FBXO11: variants seen among roughly 807,000 people sequenced by gnomAD.
FBXO11 encodes the protein F-box protein 11.
FBXO11 carries 13 observed loss-of-function variants against 117.0 expected under a neutral mutation model. That is an observed-to-expected ratio of 0.11 (90% CI 0.07 to 0.18). FBXO11 has a LOEUF of 0.18. Ranked by LOEUF, FBXO11 falls within the 10% of genes least tolerant of loss-of-function variation. The pLI, the probability that FBXO11 is intolerant of heterozygous loss-of-function variation, is 1.00. For synonymous variants in FBXO11, 490 were observed against 380.5 expected, an observed-to-expected ratio of 1.29 and a Z score of -3.35; for missense variants, 767 against 1,164.4, an observed-to-expected ratio of 0.66 and a Z score of 4.97.
At chr2:47,869,363 G>C (rs1166123361) in intron 1 of FBXO11, among the ~76,000 whole-genome samples, 2 of 152,218 alleles carry the variant, frequency 1.3e-5, no homozygotes, top group Non-Finnish European at 2.9e-5. Context: ...AACTGGCAAA[G>C]AAGGGTGTTA....
intron 1 of FBXO11, among the ~76,000 whole-genome samples, chr2:47,854,643 T>C (rs1482612429): frequency 1.3e-5 from 2 of 151,986 alleles, no homozygotes; most frequent in Non-Finnish European, 2.9e-5. Flanking sequence ...ATAAATTAAT[T>C]AGAATTATGT....
intron 18 of FBXO11, among the ~76,000 whole-genome samples, chr2:47,812,236 T>C (rs1670670442): frequency 1.3e-5 from 2 of 152,250 alleles, no homozygotes; most frequent in African/African-American, 4.8e-5. Context: ...ATTTTATGGA[T>C]GTGCTGTTTC....
intron 1 of FBXO11, among the ~76,000 whole-genome samples, chr2:47,845,315 T>G (rs577779013): frequency 6.6e-6 from 1 of 152,352 alleles, no homozygotes; most frequent in Admixed American, 6.5e-5. Context: ...ATTTAAGTCA[T>G]GAATACCACA....
chr2:47,895,649 G>C (rs1340219739), intron 1 of FBXO11, among the ~76,000 whole-genome samples: 1 of 152,144 alleles, frequency 6.6e-6, no homozygotes, highest in Non-Finnish European at 1.5e-5. Context: ...TCAATTACAA[G>C]ATTAGCAGAA....
chr2:47,839,075 A>T, intron 3 of FBXO11, 72 bp from the exon 4 acceptor site: 1 of 1,467,962 alleles, frequency 6.8e-7, no homozygotes, highest in South Asian at 1.4e-5. Context: ...CACAGTTTTC[A>T]TTTTATCTAA....
At chr2:47,844,706 C>T (rs1673278447) in intron 1 of FBXO11, among the ~76,000 whole-genome samples, 1 of 152,196 alleles carries the variant, frequency 6.6e-6, no homozygotes, top group African/African-American at 2.4e-5. Context: ...GGCTGGAGTG[C>T]AGTGGTGGGA....
chr2:47,845,595 G>A (rs1673347540), intron 1 of FBXO11, among the ~76,000 whole-genome samples: 1 of 152,096 alleles, frequency 6.6e-6, no homozygotes, highest in Non-Finnish European at 1.5e-5. Flanking sequence ...TTCATCTTTT[G>A]AACTCCTGTA....
intron 1 of FBXO11, among the ~76,000 whole-genome samples, chr2:47,877,723 C>A (rs538951753): frequency 6.6e-6 from 1 of 152,226 alleles, no homozygotes; most frequent in East Asian, 1.9e-4. Context: ...CTCGCTTTGT[C>A]GCCCAGGCTG....
intron 7 of FBXO11, 46 bp downstream of exon 7, chr2:47,834,529 CATAA>C: frequency 2.1e-6 from 3 of 1,409,062 alleles, no homozygotes; most frequent in Non-Finnish European, 2.9e-6. Context: ...AATCCTATCA[CATAA>C]ATGAGTAAAA....
intron 11 of FBXO11, among the ~76,000 whole-genome samples, chr2:47,829,726 T>A (rs962691884): frequency 6.6e-6 from 1 of 151,928 alleles, no homozygotes; most frequent in Non-Finnish European, 1.5e-5. Flanking sequence ...AAAACACCCA[T>A]CTTTTAAAGA....
In FBXO11 at chr2:47,808,001, A is replaced by C; in HGVS notation, c.*117T>G. The C allele has an allele frequency of 1.1e-6, 1 of 909,392 alleles. No homozygotes were observed. The highest frequency in any genetic ancestry group is 1.7e-6 in the Non-Finnish European group (1 of 598,704). The allele number at this position is 909,392 out of a possible 1,614,324, so 56.3% of individuals were successfully genotyped here. The stretch of plus-strand genomic sequence containing the variant: ...TTCATAGTGTCAACTGACCTTGTGT[A>C]TCCATTTTTAATACAGTCTCTTCCT... On this transcript the variant is annotated 3_prime_UTR_variant, in exon 23 of 23. Coordinates refer to ENST00000403359, the MANE Select transcript of FBXO11 (RefSeq NM_001190274.2).
chr2:47,884,824 T>C (rs546371540), intron 1 of FBXO11, among the ~76,000 whole-genome samples: 3 of 151,534 alleles, frequency 2.0e-5, no homozygotes, highest in African/African-American at 7.3e-5. Context: ...AATCCTAAGG[T>C]TGCCAATTAC....
intron 1 of FBXO11, among the ~76,000 whole-genome samples, chr2:47,879,300 G>A (rs1676260898): frequency 6.6e-6 from 1 of 152,274 alleles, no homozygotes; most frequent in Non-Finnish European, 1.5e-5. Context: ...AACTCAACCT[G>A]CTGGGTAAAT....
intron 1 of FBXO11, among the ~76,000 whole-genome samples, chr2:47,845,720 C>G (rs1229294036): frequency 6.6e-6 from 1 of 152,076 alleles, no homozygotes; most frequent in Non-Finnish European, 1.5e-5. Context: ...GAGGGCGAGG[C>G]AGGGTAACAA....
intron 1 of FBXO11, among the ~76,000 whole-genome samples, chr2:47,893,832 T>A (rs765356477): frequency 1.2e-4 from 19 of 152,242 alleles, no homozygotes; most frequent in Non-Finnish European, 2.2e-4. Flanking sequence ...AGGCTCCTTA[T>A]CCCCAAATTT....
intron 4 of FBXO11, among the ~76,000 whole-genome samples, chr2:47,837,856 G>C (rs951012005): frequency 1.3e-5 from 2 of 152,010 alleles, no homozygotes; most frequent in Admixed American, 1.3e-4. Context: ...TCAGCCTCCG[G>C]AGTAGCTGGG....
intron 1 of FBXO11, among the ~76,000 whole-genome samples, chr2:47,859,739 C>G (rs1328011748): frequency 6.6e-6 from 1 of 152,108 alleles, no homozygotes. Context: ...AAAAATATTT[C>G]CAAACCCAAT....
intron 1 of FBXO11, among the ~76,000 whole-genome samples, chr2:47,857,756 C>G (rs1474284568): frequency 1.3e-5 from 2 of 152,114 alleles, no homozygotes; most frequent in East Asian, 3.9e-4. Context: ...TTCAGGAACT[C>G]AAAGTCATTG....
intron 11 of FBXO11, among the ~76,000 whole-genome samples, chr2:47,829,194 C>T (rs1671998974): frequency 6.6e-6 from 1 of 151,622 alleles, no homozygotes; most frequent in Non-Finnish European, 1.5e-5. Context: ...TGCACCCGGC[C>T]TCAAAAAATT....
Sources: allele counts gnomAD v4.1 joint callset (sites outside exome capture counted in the v4.1 genomes callset), GRCh38; gene constraint gnomAD v4.1.1; transcripts MANE v1.5; gene names NCBI Gene and HGNC (gene_info 2026-07-23, HGNC 2026-07-21).